The following GUF1 variants were observed in gnomAD, a reference collection of about 807,000 sequenced individuals.
The protein encoded by GUF1 is GTP binding elongation factor GUF1.
GUF1 carries 78 observed loss-of-function variants against 82.4 expected under a neutral mutation model. The observed-to-expected ratio is 0.95, with a 90% CI of 0.79 to 1.14. GUF1 has a LOEUF of 1.14. GUF1 is among the 50% of genes most tolerant of loss of function. The probability of loss-of-function intolerance (pLI) is 0.00; values close to 1 mark genes in which losing one functional copy is unlikely to be tolerated. For synonymous variants in GUF1, 279 were observed against 282.3 expected, an observed-to-expected ratio of 0.99 and a Z score of 0.12; for missense variants, 814 against 798.2, an observed-to-expected ratio of 1.02 and a Z score of -0.24.
intron 6 of GUF1, 54 bp from the exon 7 acceptor site, chr4:44,685,904 AG>A: frequency 8.2e-7 from 1 of 1,216,550 alleles, no homozygotes; most frequent in South Asian, 1.3e-5. Context: ...TCATCAAGAT[AG>A]AAAAGTATAG....
At position 44,678,509 on chromosome 4, in the gene GUF1, A is replaced by G. The variant is rs1714555280; in HGVS notation, c.-114A>G. 2.4e-6 allele frequency: 2 copies of G among 829,140 alleles called. No individual in the cohort carries two copies. The highest frequency in any genetic ancestry group is 3.4e-6 in the Non-Finnish European group (2 of 590,492). 51.4% of individuals were successfully genotyped at this position (829,140 alleles called of 1,614,324 possible). ...CCGGGGTTCATTGTCTTCGCTTCAC[A>G]GGATCTGTTTGAGTCCTGTCCACCG... On this transcript the variant is annotated 5_prime_UTR_variant, in exon 1 of 17. Coordinates refer to ENST00000281543, the MANE Select transcript of GUF1 (RefSeq NM_021927.3).
intron 1 of GUF1, 32 bp downstream of exon 1, chr4:44,678,819 GTT>G: frequency 6.5e-7 from 1 of 1,534,790 alleles, no homozygotes; most frequent in Non-Finnish European, 8.7e-7. Context: ...ATTTAGCCAA[GTT>G]TTCAAACGTT....
chr4:44,694,815 G>GT (rs57336361), intron 14 of GUF1, among the ~76,000 whole-genome samples: 11,952 of 147,718 alleles, frequency 0.081, 537 homozygotes, highest in Admixed American at 0.13. Flanking sequence ...GTTTTGTTTT[G>GT]TTTTTTTTTT....
At chr4:44,694,568 C>A in intron 14 of GUF1, 55 bp downstream of exon 14, 2 of 1,122,216 alleles carry the variant, frequency 1.8e-6, no homozygotes, top group Non-Finnish European at 2.6e-6. Flanking sequence ...ATATGTTTTT[C>A]ATTTATTTTT....
chr4:44,696,434 A>G (rs1715833634), intron 15 of GUF1, among the ~76,000 whole-genome samples: 1 of 152,162 alleles, frequency 6.6e-6, no homozygotes, highest in Non-Finnish European at 1.5e-5. Context: ...CAAAAACCCA[A>G]AAATAACAAT....
At chr4:44,688,754 T>C (rs978969947) in intron 9 of GUF1, among the ~76,000 whole-genome samples, 2 of 151,892 alleles carry the variant, frequency 1.3e-5, no homozygotes, top group African/African-American at 4.8e-5. Context: ...GTCATGTGGA[T>C]TTTAGAGGAC....
chr4:44,690,250 A>G (rs1206405441), intron 11 of GUF1, among the ~76,000 whole-genome samples: 3 of 151,874 alleles, frequency 2.0e-5, no homozygotes, highest in African/African-American at 7.2e-5. Context: ...AGTAAAAGGT[A>G]AAATTAGTAG....
Position 44,698,622 on chromosome 4 carries a change from A to G in GUF1, c.1951A>G (p.Asn651Asp). The change falls in exon 17 of 17, where the codon AAC becomes GAC. Residue 651 changes from asparagine (N) to aspartate (D), a missense_variant. Coordinates refer to ENST00000281543, the MANE Select transcript of GUF1 (RefSeq NM_021927.3). ...EGKKKLRKIG[N>D]VEVPKDAFIK... The stretch of plus-strand genomic sequence containing the variant: ...GAAAAAAAAGCTGAGGAAAATTGGC[A>G]ACGTTGAAGTTCCAAAAGATGCTTT... 1 of 1,610,720 alleles carries G rather than the reference A, an allele frequency of 6.2e-7. No homozygotes were observed. Among genetic ancestry groups the G allele is most frequent in the South Asian group, 1.1e-5 (1 of 89,944 alleles).
intron 13 of GUF1, among the ~76,000 whole-genome samples, chr4:44,692,971 G>A (rs914249846): frequency 1.5e-4 from 23 of 151,722 alleles, no homozygotes; most frequent in Non-Finnish European, 2.1e-4. Context: ...AAGCCTTGTC[G>A]TTTGGAAACT....
chr4:44,681,089 C>CA lies in GUF1; in HGVS notation c.427-33dup, dbSNP rs1238095908. ...AATGCTCTTTCCTAAAAAATTAACT[C>CA]ACATTTACAGGTATCAATATTTTTG... On this transcript the variant is annotated intron_variant, in intron 3 of 16. Coordinates refer to ENST00000281543, the MANE Select transcript of GUF1 (RefSeq NM_021927.3). 13 of 1,538,318 alleles carry CA rather than the reference C, an allele frequency of 8.5e-6. No individual in the cohort carries two copies. The Admixed American group carries it at 1.5e-4, about 18-fold the overall frequency.
chr4:44,683,311 G>T lies in GUF1; in HGVS notation c.662G>T (p.Cys221Phe). Residue 221 changes from cysteine to phenylalanine, a missense_variant, in exon 6 of 17, where the codon TGT becomes TTT. Physicochemically the swap from Cys to Phe is radical, Grantham distance 205. Transcript: ENST00000281543. ...GTGTTTGATATTCCAAGTGATGAAT[G>T]TATTAAGGTAAAATACGTTCCTAAA... ...EKVFDIPSDE[C>F]IKISAKLGTN... is the part of the protein sequence containing the mutation. 1 of 1,548,070 alleles carries T rather than the reference G, an allele frequency of 6.5e-7. No homozygotes were observed. The highest frequency in any genetic ancestry group is 8.8e-7 in the Non-Finnish European group (1 of 1,139,694).
rs779891659 is a variant in GUF1, at chr4:44,691,808, A to T, written c.1613+9A>T. 1.3e-6 allele frequency: 2 copies of T among 1,574,464 alleles called. No individual in the cohort carries two copies. The highest frequency in any genetic ancestry group is 8.6e-7 in the Non-Finnish European group (1 of 1,163,862). ...TCTTCTGGATATGCTAGGTAAAAAA[A>T]TAATGAGAACCTAAGATGCCTGACC... On this transcript the variant is annotated intron_variant, in intron 13 of 16. Transcript: ENST00000281543.
intron 15 of GUF1, 90 bp downstream of exon 15, chr4:44,695,824 T>C: frequency 7.8e-7 from 1 of 1,280,148 alleles, no homozygotes. Context: ...AATTTAACAT[T>C]GGCCTAAGCT....
At chr4:44,687,687 CTTA>C (rs1349059435) in intron 8 of GUF1, among the ~76,000 whole-genome samples, 1 of 151,824 alleles carries the variant, frequency 6.6e-6, no homozygotes, top group Non-Finnish European at 1.5e-5. Flanking sequence ...CACAAGTGTA[CTTA>C]TTATAATGCT....
Position 44,683,217 on chromosome 4 carries a change from G to A in GUF1, c.586-18G>A. On this transcript the variant is annotated intron_variant, in intron 5 of 16. Transcript: ENST00000281543. Reference sequence around the variant, plus strand: ...TTATCTTTATTATACTTCACATAATGGATTTTTTTTTTTAAAGATAGATCT... The same window carrying A: ...TTATCTTTATTATACTTCACATAATAGATTTTTTTTTTTAAAGATAGATCT... 2 of 1,448,510 alleles carry A rather than the reference G, an allele frequency of 1.4e-6. No homozygotes were observed. The highest frequency in any genetic ancestry group is 1.9e-6 in the Non-Finnish European group (2 of 1,054,804). 89.7% of individuals were successfully genotyped at this position (1,448,510 alleles called of 1,614,324 possible). A position where few individuals can be genotyped will look rare whatever the true frequency, so the allele number is the denominator to read the frequency against.
intron 16 of GUF1, among the ~76,000 whole-genome samples, chr4:44,698,122 G>A (rs1054780236): frequency 5.9e-5 from 9 of 152,042 alleles, no homozygotes; most frequent in South Asian, 4.1e-4. Flanking sequence ...CTCCAGCCTG[G>A]GTGAGAGGGA....
At position 44,691,836 on chromosome 4, in the gene GUF1, C is replaced by A. The variant is rs373499863; in HGVS notation, c.1613+37C>A. Reference sequence around the variant, plus strand: ...ATGAGAACCTAAGATGCCTGACCAACTTTTTTGAAATATTGATGAGCAAGG... The same window carrying A: ...ATGAGAACCTAAGATGCCTGACCAAATTTTTTGAAATATTGATGAGCAAGG... On this transcript the variant is annotated intron_variant, in intron 13 of 16. Coordinates refer to ENST00000281543, the MANE Select transcript of GUF1 (RefSeq NM_021927.3). 4.1e-6 allele frequency: 6 copies of A among 1,478,848 alleles called. No homozygotes were observed. The African/African-American group carries it at 7.2e-5, about 18-fold the overall frequency. 91.6% of individuals were successfully genotyped at this position (1,478,848 alleles called of 1,614,324 possible).
At position 44,682,346 on chromosome 4, in the gene GUF1, C is replaced by T; in HGVS notation, c.520C>T (p.Gln174Ter). Reference sequence around the variant, plus strand: ...TTGATATTTTCAGGGAATTCAAGCCCAAACTGTAGCAAACTTCTTTCTTGC... The same window carrying T: ...TTGATATTTTCAGGGAATTCAAGCCTAAACTGTAGCAAACTTCTTTCTTGC... ...VVDANEGIQA[Q>*]TVANFFLAFE... The change falls in exon 5 of 17, where the codon CAA becomes TAA. Residue 174 changes from glutamine to a stop codon, truncating the protein, a stop_gained. Transcript: ENST00000281543. LOFTEE classifies it high-confidence loss of function. The T allele has an allele frequency of 6.5e-7, 1 of 1,531,290 alleles. No homozygotes were observed. 94.9% of individuals were successfully genotyped at this position (1,531,290 alleles called of 1,614,324 possible).
intron 16 of GUF1, 48 bp from the exon 17 acceptor site, chr4:44,698,496 T>C (rs930281910): frequency 4.8e-6 from 7 of 1,452,196 alleles, no homozygotes; most frequent in Non-Finnish European, 6.6e-6. Flanking sequence ...ATATGATTGT[T>C]TCTCTTTAGA....
Sources: allele counts gnomAD v4.1 joint callset (sites outside exome capture counted in the v4.1 genomes callset), GRCh38; gene constraint gnomAD v4.1.1; transcripts MANE v1.5; gene names NCBI Gene and HGNC (gene_info 2026-07-23, HGNC 2026-07-21).